CIB2: variants seen among roughly 807,000 people sequenced by gnomAD.
CIB2 encodes the protein calcium and integrin binding family member 2, also known as calcium and integrin-binding family member 2.
Under a neutral mutation model 23.1 loss-of-function variants are expected in CIB2, and 19 were observed. The observed-to-expected ratio is 0.82, with a 90% CI of 0.57 to 1.21. CIB2 has a LOEUF of 1.21. CIB2 is among the 50% of genes most tolerant of loss of function. CIB2 has a pLI of 0.00. For synonymous variants in CIB2, 94 were observed against 91.7 expected (o/e 1.03, Z -0.14); for missense variants, 220 against 241.5 (o/e 0.91, Z 0.59).
At chr15:78,109,865 T>C (rs1427044329) in intron 3 of CIB2, among the ~76,000 whole-genome samples, 1 of 150,048 alleles carries the variant, frequency 6.7e-6, no homozygotes, top group Non-Finnish European at 1.5e-5. Context: ...CTGGAGGCAC[T>C]GCCTCATCTG....
intron 1 of CIB2, among the ~76,000 whole-genome samples, chr15:78,129,571 T>C (rs2074426908): frequency 1.3e-5 from 2 of 152,190 alleles, no homozygotes; most frequent in African/African-American, 2.4e-5. Context: ...CTGTATCGTT[T>C]CTGGACTTTG....
chr15:78,123,305 G>A (rs1167483113), intron 2 of CIB2, among the ~76,000 whole-genome samples: 9 of 152,210 alleles, frequency 5.9e-5, no homozygotes, highest in Admixed American at 2.0e-4. Context: ...CCAGGATGCA[G>A]TGAAATAGCA....
intron 2 of CIB2, among the ~76,000 whole-genome samples, chr15:78,113,728 C>T (rs577931314): frequency 7.1e-4 from 108 of 152,276 alleles, no homozygotes; most frequent in Non-Finnish European, 6.6e-4. Flanking sequence ...GATGGGGTTT[C>T]ACCGTGTTAG....
At chr15:78,124,083 G>T (rs886400602) in intron 1 of CIB2, among the ~76,000 whole-genome samples, 2 of 152,174 alleles carry the variant, frequency 1.3e-5, no homozygotes, top group South Asian at 4.1e-4. Context: ...GGGATGACAG[G>T]GAGGTGGCTG....
chr15:78,105,541 G>T, intron 5 of CIB2, 198 bp downstream of exon 5: 1 of 1,479,042 alleles, frequency 6.8e-7, no homozygotes, highest in Non-Finnish European at 8.9e-7. Flanking sequence ...CACTGAAGGG[G>T]CCCCCAGGTC....
intron 2 of CIB2, among the ~76,000 whole-genome samples, chr15:78,112,512 A>C (rs1596351940): frequency 6.6e-6 from 1 of 152,178 alleles, no homozygotes; most frequent in Non-Finnish European, 1.5e-5. Flanking sequence ...GGCTGCAGTG[A>C]GCTATGATTG....
Position 78,131,403 on chromosome 15 carries a change from C to A in CIB2, c.-188G>T. 4.3e-6 allele frequency: 1 copy of A among 233,388 alleles called. No homozygotes were observed. 14.5% of individuals were successfully genotyped at this position (233,388 alleles called of 1,614,324 possible). A position where few individuals can be genotyped will look rare whatever the true frequency, so the allele number is the denominator to read the frequency against. On this transcript the variant is annotated 5_prime_UTR_variant, in exon 1 of 6. Transcript: ENST00000258930. The surrounding 1 kb of genome is among the most constrained non-coding windows in gnomAD (Gnocchi z 5.8). ...CGCGCGGGGGTCTCGGAGGCGGGGA[C>A]GGGAACCCGGAGCGGCAGCGACTCC...
At chr15:78,114,453 C>A (rs1274486352) in intron 2 of CIB2, among the ~76,000 whole-genome samples, 1 of 152,142 alleles carries the variant, frequency 6.6e-6, no homozygotes, top group Admixed American at 6.5e-5. Flanking sequence ...ATATATTAGT[C>A]CTACTGTAAC....
intron 1 of CIB2, among the ~76,000 whole-genome samples, chr15:78,130,600 AG>A (rs1278053926): frequency 6.6e-6 from 1 of 152,108 alleles, no homozygotes; most frequent in African/African-American, 2.4e-5. Context: ...TGGCCCTGGA[AG>A]GCTGCTACCG....
At chr15:78,118,480 T>C (rs1221384838) in intron 2 of CIB2, among the ~76,000 whole-genome samples, 1 of 150,838 alleles carries the variant, frequency 6.6e-6, no homozygotes, top group African/African-American at 2.4e-5. Context: ...CCCCAGCTAC[T>C]CAGGAGGCTG....
rs2867986 is a variant in CIB2 at position 78,110,837 on chromosome 15, C to G, written c.198+328G>C. ...TCAGTGAGAAGCCACAGCCAGACAA[C>G]GGGGAGACAGAAAAGTTATCTAACA... On this transcript the variant is annotated intron_variant, in intron 3 of 5. Transcript: ENST00000258930. 0.93 allele frequency: 443,812 copies of G among 475,786 alleles called. 207,415 individuals carry two copies. The highest frequency in any genetic ancestry group is 1 in the East Asian group (15,734 of 15,740). 29.5% of individuals were successfully genotyped at this position (475,786 alleles called of 1,614,324 possible). A position where few individuals can be genotyped will look rare whatever the true frequency, so the allele number is the denominator to read the frequency against.
chr15:78,109,258 G>A lies in CIB2; in HGVS notation c.323C>T (p.Ala108Val), dbSNP rs1316881766. The change falls in exon 4 of 6, where the codon GCA becomes GTA. Residue 108 changes from alanine to valine, a missense_variant. Transcript: ENST00000258930. Reference protein sequence around the residue: ...LCESAPRELKANYAFKIYDFN... With the variant: ...LCESAPRELKVNYAFKIYDFN... ...ACCATAGATCTTGAAGGCATAGTTTGCCTTGAGCTCTCGGGGAGCCGACTC... is the reference window on the plus strand; with the variant it reads ...ACCATAGATCTTGAAGGCATAGTTTACCTTGAGCTCTCGGGGAGCCGACTC... 5 of 1,606,326 alleles carry A rather than the reference G, an allele frequency of 3.1e-6. No individual in the cohort carries two copies. Among genetic ancestry groups the A allele is most frequent in the African/African-American group, 2.8e-5 (2 of 72,182 alleles).
intron 4 of CIB2, among the ~76,000 whole-genome samples, chr15:78,106,775 C>T (rs568421150): frequency 2.0e-5 from 3 of 152,248 alleles, no homozygotes; most frequent in African/African-American, 7.2e-5. Context: ...CGATAAGGGT[C>T]CTCTTCCCCG....
At chr15:78,105,709 GC>G in intron 5 of CIB2, 29 bp downstream of exon 5, 1 of 1,613,252 alleles carries the variant, frequency 6.2e-7, no homozygotes, top group Non-Finnish European at 8.5e-7. Context: ...GCTCTGCCCT[GC>G]CCAAGCCCGG....
chr15:78,119,053 G>A (rs950117031), intron 2 of CIB2, among the ~76,000 whole-genome samples: 2 of 151,698 alleles, frequency 1.3e-5, no homozygotes, highest in South Asian at 2.1e-4. Flanking sequence ...GTTGGTACAC[G>A]CCTGTAATCC....
intron 4 of CIB2, among the ~76,000 whole-genome samples, chr15:78,106,348 G>A (rs769441092): frequency 6.6e-6 from 1 of 152,226 alleles, no homozygotes; most frequent in African/African-American, 2.4e-5. Flanking sequence ...AGAGCCACTC[G>A]GAGATGGAGC....
intron 1 of CIB2, among the ~76,000 whole-genome samples, chr15:78,125,799 C>A (rs1050835528): frequency 2.6e-5 from 4 of 152,110 alleles, no homozygotes; most frequent in African/African-American, 9.7e-5. Context: ...ATACCTGTGT[C>A]CCCCATCCCT....
In CIB2 at chr15:78,105,326, G is replaced by A. The variant is rs762440106; in HGVS notation, c.549C>T (p.Phe183=). 17 of 1,614,052 alleles carry A rather than the reference G, an allele frequency of 1.1e-5. No individual in the cohort carries two copies. The highest frequency in any genetic ancestry group is 1.7e-5 in the Admixed American group (1 of 60,018). ...GGCAGTGTCCTCAGATCCGGATGTG[G>A]AAAGTGCTAGAAAGAGAGAAAGGGC... ...IAKAPDFLST[F]HIRI The change falls in exon 6 of 6, where the codon TTC becomes TTT. Residue 183 remains phenylalanine, a synonymous_variant. Transcript: ENST00000258930.
At position 78,105,305 on chromosome 15, in the gene CIB2, G is replaced by T; in HGVS notation, c.*6C>A. 1.9e-6 allele frequency: 3 copies of T among 1,614,056 alleles called. No homozygotes were observed. Among genetic ancestry groups the T allele is most frequent in the Non-Finnish European group, 2.5e-6 (3 of 1,179,954 alleles). On this transcript the variant is annotated 3_prime_UTR_variant, in exon 6 of 6. Transcript: ENST00000258930. ...CTTCTAGGCCCCTACAGCCTCGGCA[G>T]TGTCCTCAGATCCGGATGTGGAAAG...
Sources: gnomAD v4.1 joint callset for allele counts (sites outside exome capture counted in the v4.1 genomes callset) on GRCh38, gnomAD v4.1.1 for gene constraint, Gnocchi (gnomAD v3.1) non-coding constraint, MANE v1.5 for transcripts, NCBI Gene and HGNC (gene_info 2026-07-23, HGNC 2026-07-21) for gene names.